PTDSS1: variants seen among roughly 807,000 people sequenced by gnomAD.
PTDSS1 encodes the protein PSS-1.
A neutral mutation model predicts 70.5 loss-of-function variants in PTDSS1; 45 were observed. The ratio of observed to expected loss-of-function variants is 0.64; its 90% confidence interval spans 0.50 to 0.82. The LOEUF is 0.82. PTDSS1 is among the 40% of genes least tolerant of loss of function. The probability of loss-of-function intolerance (pLI) is 0.00; values close to 1 mark genes in which losing one functional copy is unlikely to be tolerated. For synonymous variants in PTDSS1, 188 were observed against 203.8 expected, an observed-to-expected ratio of 0.92 and a Z score of 0.66; for missense variants, 417 against 586.1, an observed-to-expected ratio of 0.71 and a Z score of 2.98.
At chr8:96,305,463 G>C (rs903738446) in intron 7 of PTDSS1, among the ~76,000 whole-genome samples, 8 of 152,276 alleles carry the variant, frequency 5.3e-5, no homozygotes, top group African/African-American at 1.9e-4. Flanking sequence ...TCTAGGCAGA[G>C]AGCAGCCACG....
chr8:96,277,427 G>A (rs551315932), intron 2 of PTDSS1, among the ~76,000 whole-genome samples: 74 of 152,320 alleles, frequency 4.9e-4, no homozygotes, highest in Middle Eastern at 3.4e-3. Context: ...CATGCTGAAC[G>A]GCTGTCTCTG....
intron 2 of PTDSS1, among the ~76,000 whole-genome samples, chr8:96,278,968 C>G (rs927051053): frequency 1.5e-5 from 2 of 136,676 alleles, no homozygotes; most frequent in South Asian, 4.8e-4. Flanking sequence ...ACCATTCAGC[C>G]CCCCTTTTTT....
intron 9 of PTDSS1, among the ~76,000 whole-genome samples, chr8:96,319,101 A>G (rs1275408119): frequency 6.6e-6 from 1 of 151,542 alleles, no homozygotes; most frequent in Non-Finnish European, 1.5e-5. Flanking sequence ...ATTGGCAGAG[A>G]TGGGGTTTTA....
At chr8:96,273,201 G>T in intron 1 of PTDSS1, 98 bp from the exon 2 acceptor site, 1 of 749,580 alleles carries the variant, frequency 1.3e-6, no homozygotes. Context: ...TCATACATCT[G>T]GCAGTCCCCC....
intron 12 of PTDSS1, among the ~76,000 whole-genome samples, chr8:96,332,945 G>C (rs1315508385): frequency 6.6e-6 from 1 of 152,234 alleles, no homozygotes; most frequent in East Asian, 1.9e-4. Context: ...GTGGGCAGCA[G>C]GGGCCTGAAT....
At chr8:96,264,498 T>A (rs1177104136) in intron 1 of PTDSS1, among the ~76,000 whole-genome samples, 1 of 152,232 alleles carries the variant, frequency 6.6e-6, no homozygotes, top group African/African-American at 2.4e-5. Flanking sequence ...TACATACCTG[T>A]TTGATGTTAA....
intron 10 of PTDSS1, among the ~76,000 whole-genome samples, chr8:96,322,994 C>A (rs1563584202): frequency 6.6e-6 from 1 of 152,222 alleles, no homozygotes; most frequent in South Asian, 2.1e-4. Flanking sequence ...ATAGGATAGA[C>A]ATTGCAAATC....
chr8:96,288,604 G>A (rs1451248990), intron 4 of PTDSS1, among the ~76,000 whole-genome samples: 1 of 148,314 alleles, frequency 6.7e-6, no homozygotes, highest in Non-Finnish European at 1.5e-5. Flanking sequence ...GGGATTACAG[G>A]CATGAGCCAC....
At chr8:96,274,132 C>T (rs1014274754) in intron 2 of PTDSS1, among the ~76,000 whole-genome samples, 5 of 151,766 alleles carry the variant, frequency 3.3e-5, no homozygotes, top group African/African-American at 1.2e-4. Context: ...AACGCTCACT[C>T]TTGTCTTCTA....
chr8:96,266,597 T>C (rs1810491383), intron 1 of PTDSS1, among the ~76,000 whole-genome samples: 1 of 152,178 alleles, frequency 6.6e-6, no homozygotes, highest in Admixed American at 6.5e-5. Context: ...CTTTATCCTG[T>C]TTCCTTTATA....
At chr8:96,266,343 G>A (rs1234593501) in intron 1 of PTDSS1, among the ~76,000 whole-genome samples, 2 of 152,210 alleles carry the variant, frequency 1.3e-5, no homozygotes, top group African/African-American at 4.8e-5. Flanking sequence ...TAGAACTAAG[G>A]AGACAGGCAA....
chr8:96,330,842 C>T, intron 11 of PTDSS1, 184 bp from the exon 12 acceptor site: 1 of 569,642 alleles, frequency 1.8e-6, no homozygotes, highest in South Asian at 2.3e-5. Flanking sequence ...GATTCTGCAT[C>T]ACCTGTGAGA....
intron 3 of PTDSS1, among the ~76,000 whole-genome samples, chr8:96,286,737 T>C (rs1056071543): frequency 6.6e-6 from 1 of 152,170 alleles, no homozygotes; most frequent in Non-Finnish European, 1.5e-5. Context: ...TTGCGTGCAA[T>C]CCTCACACCC....
intron 2 of PTDSS1, chr8:96,283,699 G>A: frequency 5.8e-6 from 1 of 172,290 alleles, no homozygotes; most frequent in Non-Finnish European, 1.2e-5. Context: ...ACATGATGAT[G>A]ACTGTGCTGT....
intron 4 of PTDSS1, among the ~76,000 whole-genome samples, chr8:96,289,326 G>A (rs1209554285): frequency 6.6e-6 from 1 of 152,154 alleles, no homozygotes; most frequent in African/African-American, 2.4e-5. Flanking sequence ...TGGTCTTTCT[G>A]ATGATCAGCC....
Position 96,285,432 on chromosome 8 carries a change from G to A in PTDSS1, c.316+1279G>A, listed in dbSNP as rs1260210003. ...TAAAGAGCAGGGCATGAAGGGCAGG[G>A]GGAAATCATGGGAGGGTTTTTCCTA... On this transcript the variant is annotated intron_variant, in intron 3 of 12. Coordinates refer to ENST00000517309, the MANE Select transcript of PTDSS1 (RefSeq NM_014754.3). 2.0e-5 allele frequency among the ~76,000 whole-genome samples: 3 copies of A among 152,116 alleles called. No homozygotes were observed. In the East Asian group the frequency reaches 5.8e-4, roughly 29 times the overall value.
In PTDSS1 at chr8:96,336,673, A is replaced by G. The variant is rs1314964999; in HGVS notation, c.*3107A>G. On this transcript the variant is annotated 3_prime_UTR_variant, in exon 13 of 13. Coordinates refer to ENST00000517309, the MANE Select transcript of PTDSS1 (RefSeq NM_014754.3). ...AGTAGACTAGACAGTGCTCCCTACC[A>G]TTTCCCATTTATAGGATTGAAATCA... The G allele has an allele frequency of 1.3e-5, 2 of 151,966 alleles. No individual in the cohort carries two copies. Among genetic ancestry groups the G allele is most frequent in the Non-Finnish European group, 1.5e-5 (1 of 68,024 alleles). The allele number at this position is 151,966 out of a possible 1,614,324, so 9.4% of individuals were successfully genotyped here.
Position 96,299,806 on chromosome 8 carries a change from G to T in PTDSS1, c.713G>T (p.Arg238Leu), listed in dbSNP as rs758567950. The T allele has an allele frequency of 6.2e-7, 1 of 1,614,016 alleles. No individual in the cohort carries two copies. The change falls in exon 6 of 13, where the codon CGG becomes CTG. Residue 238 changes from arginine to leucine, a missense_variant. Physicochemically the swap from Arg to Leu is moderately radical, Grantham distance 102. This residue lies in a region of PTDSS1 where 272 missense variants were observed against 429.5 expected (regional missense o/e 0.63). Coordinates refer to ENST00000517309, the MANE Select transcript of PTDSS1 (RefSeq NM_014754.3). ...GGIWLGMVVC[R>L]FLEMRTYHWA... ...ATTTGGCTGGGCATGGTCGTTTGCC[G>T]GTTTTTAGAGATGAGGACTTACCAC...
At chr8:96,310,098 C>T (rs1490069915) in intron 9 of PTDSS1, among the ~76,000 whole-genome samples, 1 of 151,798 alleles carries the variant, frequency 6.6e-6, no homozygotes, top group Non-Finnish European at 1.5e-5. Context: ...CACTGCACTG[C>T]ACTCCAGCCT....
Sources: allele counts gnomAD v4.1 joint callset (sites outside exome capture counted in the v4.1 genomes callset), GRCh38; gene constraint gnomAD v4.1.1; regional missense constraint gnomAD v4.1.1; transcripts MANE v1.5; gene names NCBI Gene and HGNC (gene_info 2026-07-23, HGNC 2026-07-21).